The following XKR6 variants were observed in gnomAD, a reference collection of about 807,000 sequenced individuals.
XKR6 encodes XK related 6, also known as XK-related protein 6.
In XKR6, 22 loss-of-function variants were observed where a neutral mutation model predicts 56.7. The observed-to-expected ratio is 0.39, with a 90% CI of 0.28 to 0.55. XKR6 has a LOEUF of 0.55. Ranked by LOEUF, XKR6 falls within the 20% of genes least tolerant of loss-of-function variation. The pLI, the probability that XKR6 is intolerant of heterozygous loss-of-function variation, is 0.66. For missense variants in XKR6, 852 were observed against 889.0 expected, an observed-to-expected ratio of 0.96 and a Z score of 0.53; for synonymous variants, 524 against 387.8, an observed-to-expected ratio of 1.35 and a Z score of -4.13.
intron 1 of XKR6, among the ~76,000 whole-genome samples, chr8:11,172,678 C>T (rs562635095): frequency 3.3e-5 from 5 of 152,238 alleles, no homozygotes; most frequent in African/African-American, 1.2e-4. Context: ...TTTTTCTTTA[C>T]TTTTTTTCAA....
chr8:10,973,808 C>T (rs1802474997), intron 1 of XKR6, among the ~76,000 whole-genome samples: 1 of 152,190 alleles, frequency 6.6e-6, no homozygotes, highest in South Asian at 2.1e-4. Context: ...TGGTCGTGAA[C>T]TCATGAGCTC....
intron 1 of XKR6, among the ~76,000 whole-genome samples, chr8:10,985,925 C>G (rs1266560239): frequency 6.6e-6 from 1 of 152,144 alleles, no homozygotes; most frequent in Non-Finnish European, 1.5e-5. Context: ...GGATTTTTAA[C>G]TAGATAAGCT....
At chr8:10,970,805 TAAAA>T (rs34166964) in intron 1 of XKR6, among the ~76,000 whole-genome samples, 1 of 133,122 alleles carries the variant, frequency 7.5e-6, no homozygotes, top group African/African-American at 2.7e-5. Context: ...AAAGGATCCT[TAAAA>T]AAAAAAAAAA....
chr8:10,947,019 T>G (rs904496642), intron 1 of XKR6, among the ~76,000 whole-genome samples: 1 of 151,884 alleles, frequency 6.6e-6, no homozygotes, highest in Non-Finnish European at 1.5e-5. Context: ...GAAAGGGCCT[T>G]GGGAGCACAG....
At chr8:10,939,283 C>T (rs1453978640) in intron 1 of XKR6, among the ~76,000 whole-genome samples, 1 of 152,212 alleles carries the variant, frequency 6.6e-6, no homozygotes, top group Non-Finnish European at 1.5e-5. Context: ...GCCCGCCCAC[C>T]ACAGTTCCTG....
chr8:10,950,770 C>G (rs1801693510), intron 1 of XKR6, among the ~76,000 whole-genome samples: 1 of 152,238 alleles, frequency 6.6e-6, no homozygotes, highest in Non-Finnish European at 1.5e-5. Context: ...CTGGCCAAAC[C>G]TTCGCCTCCC....
At chr8:10,988,355 G>T (rs555358086) in intron 1 of XKR6, among the ~76,000 whole-genome samples, 1 of 152,156 alleles carries the variant, frequency 6.6e-6, no homozygotes, top group Admixed American at 6.5e-5. Context: ...TAACTCAGTC[G>T]CTCTCTCTGA....
At chr8:11,129,361 G>C (rs1454679792) in intron 1 of XKR6, among the ~76,000 whole-genome samples, 1 of 152,120 alleles carries the variant, frequency 6.6e-6, no homozygotes, top group Non-Finnish European at 1.5e-5. Flanking sequence ...GCAGGAGTCA[G>C]GTACTTAAGA....
chr8:11,071,951 G>A (rs543962899), intron 1 of XKR6, among the ~76,000 whole-genome samples: 1 of 152,152 alleles, frequency 6.6e-6, no homozygotes, highest in East Asian at 1.9e-4. Context: ...CCTCCAAAGA[G>A]CTCGAAGTCC....
At chr8:11,141,084 A>G (rs1235434290) in intron 1 of XKR6, among the ~76,000 whole-genome samples, 1 of 152,168 alleles carries the variant, frequency 6.6e-6, no homozygotes, top group East Asian at 1.9e-4. Context: ...TTACACGCTA[A>G]GTCGACATGG....
chr8:10,930,068 T>C (rs1258573015), intron 1 of XKR6, among the ~76,000 whole-genome samples: 1 of 149,010 alleles, frequency 6.7e-6, no homozygotes. Context: ...TCAGTCATGG[T>C]TCAGGAAAAT....
chr8:11,048,899 G>C (rs192066210), intron 1 of XKR6, among the ~76,000 whole-genome samples: 1 of 152,178 alleles, frequency 6.6e-6, no homozygotes, highest in African/African-American at 2.4e-5. Context: ...CGCTCCAGCC[G>C]GCCCCGCCTG....
At chr8:11,084,890 G>A (rs1797836827) in intron 1 of XKR6, among the ~76,000 whole-genome samples, 2 of 152,116 alleles carry the variant, frequency 1.3e-5, no homozygotes, top group Non-Finnish European at 2.9e-5. Context: ...TTTGCAGTTG[G>A]TCAGCTCCTA....
chr8:10,992,112 G>A (rs563179654), intron 1 of XKR6, among the ~76,000 whole-genome samples: 2 of 152,322 alleles, frequency 1.3e-5, no homozygotes, highest in South Asian at 4.1e-4. Context: ...CTATTCAGGG[G>A]ATGGAAATCT....
chr8:11,173,478 G>A (rs1394150850), intron 1 of XKR6, among the ~76,000 whole-genome samples: 3 of 151,686 alleles, frequency 2.0e-5, no homozygotes, highest in Non-Finnish European at 2.9e-5. Flanking sequence ...GCACAGCATC[G>A]TCAGAACATG....
At chr8:10,979,118 C>G (rs1360937546) in intron 1 of XKR6, among the ~76,000 whole-genome samples, 2 of 151,840 alleles carry the variant, frequency 1.3e-5, no homozygotes, top group Non-Finnish European at 2.9e-5. Context: ...CCCTGAATCC[C>G]CCAATGAGAA....
intron 1 of XKR6, among the ~76,000 whole-genome samples, chr8:11,110,258 C>A (rs1798839500): frequency 6.6e-6 from 1 of 152,182 alleles, no homozygotes; most frequent in African/African-American, 2.4e-5. Context: ...CAGGCGTGAG[C>A]CACTGCGCCT....
At chr8:11,125,885 C>A (rs1025610368) in intron 1 of XKR6, 4 of 152,210 alleles carry the variant, frequency 2.6e-5, no homozygotes, top group African/African-American at 9.7e-5. Context: ...CCCGTGTTCT[C>A]AGTACTATAC....
intron 2 of XKR6, among the ~76,000 whole-genome samples, chr8:10,908,155 G>A (rs1800236067): frequency 6.6e-6 from 1 of 152,196 alleles, no homozygotes; most frequent in Non-Finnish European, 1.5e-5. Context: ...GGCCCTGCCG[G>A]GCAGAAGACT....
Sources: allele counts gnomAD v4.1 joint callset (sites outside exome capture counted in the v4.1 genomes callset), GRCh38; gene constraint gnomAD v4.1.1; transcripts MANE v1.5; gene names NCBI Gene and HGNC (gene_info 2026-07-23, HGNC 2026-07-21).